CDK5RAP2: variants seen among roughly 807,000 people sequenced by gnomAD.
CDK5RAP2 encodes CDK5 regulatory subunit-associated protein 2.
Under a neutral mutation model 232.9 loss-of-function variants are expected in CDK5RAP2, and 147 were observed. The ratio of observed to expected loss-of-function variants is 0.63; its 90% CI spans 0.55 to 0.72. CDK5RAP2 has a LOEUF of 0.72. Among genes scored for constraint, CDK5RAP2 ranks in the 30% least tolerant of loss-of-function variants. The probability of loss-of-function intolerance (pLI) is 0.00; values close to 1 mark genes in which losing one functional copy is unlikely to be tolerated. For synonymous variants in CDK5RAP2, 833 were observed against 833.7 expected (o/e 1.00, Z 0.01); for missense variants, 2,195 against 2,231.5 (o/e 0.98, Z 0.33).
chr9:120,409,360 T>G, intron 29 of CDK5RAP2, 44 bp from the exon 30 acceptor site: 1 of 1,397,520 alleles, frequency 7.2e-7, no homozygotes, highest in Non-Finnish European at 9.9e-7. Flanking sequence ...CACCATTTGT[T>G]TTTTCCAACC....
Position 120,458,473 on chromosome 9 carries a change from C to T in CDK5RAP2, c.2352G>A (p.Lys784=). The T allele has an allele frequency of 5.6e-6, 9 of 1,614,104 alleles. No individual in the cohort carries two copies. The highest frequency in any genetic ancestry group is 7.6e-6 in the Non-Finnish European group (9 of 1,180,016). Residue 784 remains lysine, a synonymous_variant, in exon 20 of 38, where the codon AAG becomes AAA. Coordinates refer to ENST00000349780, the MANE Select transcript of CDK5RAP2 (RefSeq NM_018249.6). ...INLLAPLFNE[K]ATLLLESRPD... Reference sequence around the variant, plus strand: ...ACCTGGATTCCAGTAATAATGTGGCCTTCTCATTGAACAAAGGGGCAAGCA... The same window carrying T: ...ACCTGGATTCCAGTAATAATGTGGCTTTCTCATTGAACAAAGGGGCAAGCA...
Position 120,479,714 on chromosome 9 carries a change from G to C in CDK5RAP2, c.1627-2264C>G, listed in dbSNP as rs144055710. Among the ~76,000 whole-genome samples, 4 of 152,318 alleles carry C rather than the reference G, an allele frequency of 2.6e-5. No homozygotes were observed. The East Asian group carries it at 5.8e-4, about 22-fold the overall frequency. ...GTCAAGGTTATGAAAGTCAAGGAAA[G>C]ATTTTAGAACTGTTCCAAACTAAAG... On this transcript the variant is annotated intron_variant, in intron 14 of 37. Transcript: ENST00000349780.
At chr9:120,487,139 G>A (rs544171985) in intron 14 of CDK5RAP2, among the ~76,000 whole-genome samples, 155 bp downstream of exon 14, 5 of 152,342 alleles carry the variant, frequency 3.3e-5, no homozygotes, top group South Asian at 2.1e-4. Flanking sequence ...AATCTGTAAC[G>A]TGGTAGGCTA....
intron 12 of CDK5RAP2, among the ~76,000 whole-genome samples, chr9:120,494,633 G>A (rs1426783433): frequency 2.0e-5 from 3 of 151,968 alleles, no homozygotes; most frequent in African/African-American, 7.3e-5. Context: ...TGCAGGAGGA[G>A]GAAGAGGACA....
At chr9:120,565,349 T>C (rs1482340113) in intron 3 of CDK5RAP2, among the ~76,000 whole-genome samples, 2 of 152,176 alleles carry the variant, frequency 1.3e-5, no homozygotes, top group Non-Finnish European at 2.9e-5. Context: ...AGCAGCCTTT[T>C]AACTCATCAC....
At chr9:120,553,482 A>G (rs1176509548) in intron 3 of CDK5RAP2, among the ~76,000 whole-genome samples, 2 of 151,994 alleles carry the variant, frequency 1.3e-5, no homozygotes, top group Non-Finnish European at 2.9e-5. Context: ...CCTTTGTGGG[A>G]AAAAAAATTC....
intron 28 of CDK5RAP2, 23 bp downstream of exon 28, chr9:120,415,017 C>A (rs765243372): frequency 6.2e-7 from 1 of 1,613,672 alleles, no homozygotes. Context: ...CATGTACAGT[C>A]CTCCAGGAAG....
intron 3 of CDK5RAP2, among the ~76,000 whole-genome samples, chr9:120,561,498 C>G (rs1427852483): frequency 6.6e-6 from 1 of 151,976 alleles, no homozygotes; most frequent in Non-Finnish European, 1.5e-5. Flanking sequence ...TGGGGTCTCA[C>G]TTTGTGACCC....
intron 27 of CDK5RAP2, among the ~76,000 whole-genome samples, chr9:120,418,879 T>C (rs1436952268): frequency 6.6e-6 from 1 of 152,220 alleles, no homozygotes; most frequent in Admixed American, 6.5e-5. Context: ...TTATCTCTTT[T>C]ACACACTGCA....
intron 5 of CDK5RAP2, 91 bp from the exon 6 acceptor site, chr9:120,539,255 C>A: frequency 6.7e-7 from 1 of 1,501,088 alleles, no homozygotes; most frequent in South Asian, 1.1e-5. Flanking sequence ...ATTTGCTAGT[C>A]ATTTCTCCCA....
At chr9:120,531,217 T>A (rs1216928661) in intron 7 of CDK5RAP2, among the ~76,000 whole-genome samples, 1 of 151,890 alleles carries the variant, frequency 6.6e-6, no homozygotes, top group Non-Finnish European at 1.5e-5. Flanking sequence ...CCTCTACACC[T>A]TTGCTCGTGC....
chr9:120,478,495 G>C (rs753347897), intron 14 of CDK5RAP2, among the ~76,000 whole-genome samples: 1 of 152,220 alleles, frequency 6.6e-6, no homozygotes, highest in African/African-American at 2.4e-5. Context: ...ACCCTGGCCA[G>C]GCACAGCGGC....
intron 28 of CDK5RAP2, among the ~76,000 whole-genome samples, chr9:120,414,734 T>A (rs999859341): frequency 6.6e-6 from 1 of 152,246 alleles, no homozygotes; most frequent in African/African-American, 2.4e-5. Flanking sequence ...ATATGTGTGA[T>A]CTTTAGACTG....
rs547823429 is a variant in CDK5RAP2 at position 120,486,659 on chromosome 9, C to A, written c.1626+635G>T. ...GTAACTCCAACAAACAGAGTAAGTG[C>A]CATGATAGAGGGGTGTGTAAAGTGC... On this transcript the variant is annotated intron_variant, in intron 14 of 37. Transcript: ENST00000349780. Among the ~76,000 whole-genome samples, 70 of 152,100 alleles carry A rather than the reference C, an allele frequency of 4.6e-4. No individual in the cohort carries two copies. In the South Asian group the frequency reaches 8.3e-3, roughly 18 times the overall value.
At chr9:120,505,151 C>T (rs2039751231) in intron 12 of CDK5RAP2, among the ~76,000 whole-genome samples, 1 of 152,078 alleles carries the variant, frequency 6.6e-6, no homozygotes, top group South Asian at 2.1e-4. Context: ...CTGCATCAAC[C>T]AAGTCTGTCA....
At position 120,527,935 on chromosome 9, in the gene CDK5RAP2, A is replaced by G. The variant is rs771717779; in HGVS notation, c.880-10T>C. The G allele has an allele frequency of 6.2e-7, 1 of 1,613,582 alleles. No homozygotes were observed. Among genetic ancestry groups the G allele is most frequent in the Non-Finnish European group, 8.5e-7 (1 of 1,179,966 alleles). ...GGTCCTCTTCAAGTGCCTAAATTAG[A>G]TTAGAAAAAGATTCACTAAGTTGAT... On this transcript the variant is annotated splice_polypyrimidine_tract_variant and intron_variant, in intron 9 of 37. Transcript: ENST00000349780.
chr9:120,562,774 AGCC>A (rs963182116), intron 3 of CDK5RAP2, among the ~76,000 whole-genome samples: 1 of 152,042 alleles, frequency 6.6e-6, no homozygotes, highest in Non-Finnish European at 1.5e-5. Flanking sequence ...TAACCACAGT[AGCC>A]GCCCTGTTTG....
chr9:120,475,361 C>A (rs2037948094), intron 15 of CDK5RAP2, among the ~76,000 whole-genome samples: 1 of 152,202 alleles, frequency 6.6e-6, no homozygotes, highest in Non-Finnish European at 1.5e-5. Context: ...CCCTGACCCG[C>A]CTCAGTCCCA....
Position 120,422,729 on chromosome 9 carries a change from C to A in CDK5RAP2, c.3968G>T (p.Gly1323Val), listed in dbSNP as rs553016176. The change falls in exon 26 of 38, where the codon GGA becomes GTA. Residue 1323 changes from glycine (G) to valine (V), a missense_variant. Physicochemically the swap from Gly to Val is moderately radical, Grantham distance 109. Transcript: ENST00000349780. ...EKLFLNGKSV[G>V]VEMNTQNELM... ...TTCATTCTGGGTGTTCATTTCCACT[C>A]CAACTGATTTTCCTGGAAGCAGAAA... 4 of 1,613,094 alleles carry A rather than the reference C, an allele frequency of 2.5e-6. No homozygotes were observed. Among genetic ancestry groups the A allele is most frequent in the Non-Finnish European group, 3.4e-6 (4 of 1,179,110 alleles).
Sources: allele counts gnomAD v4.1 joint callset (sites outside exome capture counted in the v4.1 genomes callset), GRCh38; gene constraint gnomAD v4.1.1; transcripts MANE v1.5; gene names NCBI Gene and HGNC (gene_info 2026-07-23, HGNC 2026-07-21).